The following PDSS2 variants were observed in gnomAD, a reference collection of about 807,000 sequenced individuals.
PDSS2 encodes the protein decaprenyl diphosphate synthase subunit 2, also known as all trans-polyprenyl-diphosphate synthase PDSS2.
A neutral mutation model predicts 44.5 loss-of-function variants in PDSS2; 31 were observed. The observed-to-expected ratio is 0.70, with a 90% CI of 0.52 to 0.94. The LOEUF is 0.94. PDSS2 is among the 40% of genes least tolerant of loss of function. PDSS2 has a pLI of 0.00. For missense variants in PDSS2, 452 were observed against 482.2 expected (o/e 0.94, Z 0.59); for synonymous variants, 157 against 180.3 (o/e 0.87, Z 1.03).
intron 4 of PDSS2, among the ~76,000 whole-genome samples, chr6:107,228,796 T>C (rs1213208649): frequency 1.3e-5 from 2 of 152,218 alleles, no homozygotes; most frequent in Non-Finnish European, 2.9e-5. Context: ...GTTCAGTATT[T>C]TTACTTGCAT....
intron 1 of PDSS2, among the ~76,000 whole-genome samples, chr6:107,381,195 C>T (rs1779444081): frequency 6.6e-6 from 1 of 152,118 alleles, no homozygotes; most frequent in Non-Finnish European, 1.5e-5. Context: ...GATGAATTAA[C>T]CAGGTAATAA....
At chr6:107,312,502 C>T (rs1438802460) in intron 2 of PDSS2, among the ~76,000 whole-genome samples, 3 of 152,190 alleles carry the variant, frequency 2.0e-5, no homozygotes, top group Admixed American at 2.0e-4. Flanking sequence ...ATTACTTCAC[C>T]TCTGTGTGCT....
chr6:107,455,996 T>A (rs1362977107), intron 1 of PDSS2, among the ~76,000 whole-genome samples: 1 of 152,132 alleles, frequency 6.6e-6, no homozygotes, highest in Non-Finnish European at 1.5e-5. Flanking sequence ...TTTCATAATA[T>A]TAACAAATGC....
rs561925018 is a variant in PDSS2 at position 107,388,487 on chromosome 6, C to T, written c.297-54155G>A. 2.7e-3 allele frequency among the ~76,000 whole-genome samples: 384 copies of T among 140,930 alleles called. 2 individuals are homozygous for T. The highest frequency in any genetic ancestry group is 9.9e-3 in the African/African-American group (370 of 37,206). 92.5% of individuals were successfully genotyped at this position (140,930 alleles called of 152,430 possible). On this transcript the variant is annotated intron_variant, in intron 1 of 7. Transcript: ENST00000369037. ...TTTTTGAGACGGAGTCTCGCTCTGT[C>T]GCCCAGGCTGGAGTGCAGTGGCGCG...
chr6:107,374,026 C>T (rs549979404), intron 1 of PDSS2, among the ~76,000 whole-genome samples: 6 of 152,058 alleles, frequency 3.9e-5, no homozygotes, highest in Admixed American at 6.6e-5. Context: ...GGCCGAGGCA[C>T]GGCAGATTAC....
At chr6:107,362,220 G>T (rs912504522) in intron 1 of PDSS2, among the ~76,000 whole-genome samples, 1 of 152,136 alleles carries the variant, frequency 6.6e-6, no homozygotes, top group African/African-American at 2.4e-5. Context: ...ATCCCTGGCT[G>T]ATGGAGCCTG....
intron 2 of PDSS2, among the ~76,000 whole-genome samples, chr6:107,326,222 C>T (rs1777541060): frequency 6.6e-6 from 1 of 151,622 alleles, no homozygotes; most frequent in Non-Finnish European, 1.5e-5. Context: ...CCTGCCTCAG[C>T]CTCCCGAGTA....
chr6:107,184,846 A>G (rs1406856044), intron 7 of PDSS2, among the ~76,000 whole-genome samples: 1 of 148,400 alleles, frequency 6.7e-6, no homozygotes, highest in Admixed American at 6.7e-5. Flanking sequence ...TTTTTTTTTT[A>G]CCAAGTGCTT....
intron 1 of PDSS2, among the ~76,000 whole-genome samples, chr6:107,391,788 TTA>T (rs1206987552): frequency 2.6e-5 from 4 of 152,098 alleles, no homozygotes. Context: ...AATATTTACT[TTA>T]TGTTTCTTAT....
At position 107,373,467 on chromosome 6, in the gene PDSS2, G is replaced by A. The variant is rs146016418; in HGVS notation, c.297-39135C>T. Reference sequence around the variant, plus strand: ...ATATTACCTATAAACAGGAAACAACGTGTTAAATTTATACCTCAGGACTTG... The same window carrying A: ...ATATTACCTATAAACAGGAAACAACATGTTAAATTTATACCTCAGGACTTG... On this transcript the variant is annotated intron_variant, in intron 1 of 7. Coordinates refer to ENST00000369037, the MANE Select transcript of PDSS2 (RefSeq NM_020381.4). 2.7e-3 allele frequency among the ~76,000 whole-genome samples: 406 copies of A among 152,176 alleles called. 1 individual carries two copies. The highest frequency in any genetic ancestry group is 8.8e-3 in the African/African-American group (365 of 41,490).
chr6:107,324,012 T>C (rs1777462813), intron 2 of PDSS2, among the ~76,000 whole-genome samples: 1 of 152,184 alleles, frequency 6.6e-6, no homozygotes, highest in South Asian at 2.1e-4. Flanking sequence ...TGATCCTATT[T>C]TGTGTTTTTC....
chr6:107,361,412 G>C (rs1436277061), intron 1 of PDSS2, among the ~76,000 whole-genome samples: 1 of 152,134 alleles, frequency 6.6e-6, no homozygotes, highest in Non-Finnish European at 1.5e-5. Flanking sequence ...AAACTACAGA[G>C]GAAGAGAGCT....
At chr6:107,396,399 T>C (rs1480459013) in intron 1 of PDSS2, among the ~76,000 whole-genome samples, 2 of 152,220 alleles carry the variant, frequency 1.3e-5, no homozygotes, top group Non-Finnish European at 2.9e-5. Flanking sequence ...AAGACAATCA[T>C]AGAGTTATCT....
chr6:107,431,188 G>A (rs1781183116), intron 1 of PDSS2, among the ~76,000 whole-genome samples: 1 of 152,172 alleles, frequency 6.6e-6, no homozygotes, highest in Admixed American at 6.5e-5. Context: ...AGACCTCTTT[G>A]GAAGACACAG....
At chr6:107,188,194 G>A (rs1772242118) in intron 7 of PDSS2, among the ~76,000 whole-genome samples, 1 of 152,060 alleles carries the variant, frequency 6.6e-6, no homozygotes. Context: ...CCTGAGCAAT[G>A]TGGTAAAACC....
At chr6:107,185,002 A>C (rs1366758050) in intron 7 of PDSS2, among the ~76,000 whole-genome samples, 1 of 151,792 alleles carries the variant, frequency 6.6e-6, no homozygotes, top group Non-Finnish European at 1.5e-5. Flanking sequence ...ACCAGTGCAG[A>C]GACAGTGCAC....
intron 1 of PDSS2, among the ~76,000 whole-genome samples, chr6:107,405,889 A>G (rs1400377026): frequency 6.6e-6 from 1 of 152,060 alleles, no homozygotes; most frequent in Non-Finnish European, 1.5e-5. Context: ...TGGAATAGAT[A>G]AAACAACCTG....
chr6:107,363,606 G>C lies in PDSS2; in HGVS notation c.297-29274C>G, dbSNP rs184323804. Among the ~76,000 whole-genome samples, 12 of 152,326 alleles carry C rather than the reference G, an allele frequency of 7.9e-5. No homozygotes were observed. In the East Asian group the frequency reaches 1.7e-3, roughly 22 times the overall value. On this transcript the variant is annotated intron_variant, in intron 1 of 7. Coordinates refer to ENST00000369037, the MANE Select transcript of PDSS2 (RefSeq NM_020381.4). ...GCGTGGACCCAAAGAGTGAGCAGTA[G>C]CAAGAGTTATTGCAAAGAGCGAAAG...
chr6:107,452,483 C>T (rs1026276225), intron 1 of PDSS2, among the ~76,000 whole-genome samples: 13 of 152,082 alleles, frequency 8.5e-5, no homozygotes, highest in African/African-American at 2.9e-4. Flanking sequence ...CCACCTGCCT[C>T]GGCCTCCCAA....
Sources: allele counts gnomAD v4.1 joint callset (sites outside exome capture counted in the v4.1 genomes callset), GRCh38; gene constraint gnomAD v4.1.1; transcripts MANE v1.5; gene names NCBI Gene and HGNC (gene_info 2026-07-23, HGNC 2026-07-21).